The following POLA1 variants were observed in gnomAD, a reference collection of about 807,000 sequenced individuals.
POLA1 encodes the protein DNA polymerase alpha catalytic subunit.
Under a neutral mutation model 124.0 loss-of-function variants are expected in POLA1, and 15 were observed. The observed-to-expected ratio is 0.12, with a 90% CI of 0.08 to 0.19. POLA1 has a LOEUF of 0.19. Among genes scored for constraint, POLA1 ranks in the 10% least tolerant of loss-of-function variants. The probability of loss-of-function intolerance (pLI) is 1.00; values close to 1 mark genes in which losing one functional copy is unlikely to be tolerated. For missense variants in POLA1, 886 were observed against 1,103.4 expected, an observed-to-expected ratio of 0.80 and a Z score of 2.79; for synonymous variants, 408 against 389.4, an observed-to-expected ratio of 1.05 and a Z score of -0.56.
At chrX:24,834,244 A>G (rs1051731383) in intron 32 of POLA1, among the ~76,000 whole-genome samples, 3 of 111,943 alleles carry the variant, frequency 2.7e-5, no homozygotes, top group Non-Finnish European at 5.6e-5. Context: ...AGTCATGAGA[A>G]TGCTGCTCAT....
At chrX:24,943,328 T>C (rs1317504410) in intron 36 of POLA1, among the ~76,000 whole-genome samples, 1 of 112,296 alleles carries the variant, frequency 8.9e-6, no homozygotes, top group African/African-American at 3.2e-5. Context: ...AAAATTAAAG[T>C]CCTGTTAGCA....
chrX:24,780,880 G>A (rs745936855), intron 26 of POLA1, among the ~76,000 whole-genome samples: 4 of 111,209 alleles, frequency 3.6e-5, no homozygotes, highest in Non-Finnish European at 7.5e-5. Context: ...GTGTAGAACT[G>A]GTATTATTTC....
intron 36 of POLA1, among the ~76,000 whole-genome samples, chrX:24,983,739 A>G (rs886755970): frequency 3.6e-5 from 4 of 112,342 alleles, no homozygotes; most frequent in African/African-American, 1.3e-4. Context: ...GATGCAGTCA[A>G]TATCAGTAAC....
chrX:24,694,064 T>TG, intron 1 of POLA1, 60 bp downstream of exon 1: 1 of 1,043,763 alleles, frequency 9.6e-7, no homozygotes, highest in Non-Finnish European at 1.3e-6. Flanking sequence ...TTGCCGGTGG[T>TG]GGGGGTTCTG....
At chrX:24,778,689 A>G (rs2045193953) in intron 26 of POLA1, among the ~76,000 whole-genome samples, 2 of 112,176 alleles carry the variant, frequency 1.8e-5, no homozygotes, top group South Asian at 3.7e-4. Flanking sequence ...AGTATTTTAC[A>G]TACATTACTT....
chrX:24,698,230 C>T (rs1002672768), intron 1 of POLA1, among the ~76,000 whole-genome samples: 2 of 112,058 alleles, frequency 1.8e-5, no homozygotes, highest in Non-Finnish European at 3.8e-5. Context: ...GCGTGAGCCA[C>T]TGCATCCGCT....
At chrX:24,854,863 A>G (rs1395221309) in intron 34 of POLA1, among the ~76,000 whole-genome samples, 1 of 111,166 alleles carries the variant, frequency 9.0e-6, no homozygotes, top group Admixed American at 9.6e-5. Context: ...ATGTGCAAGA[A>G]TATACATTGA....
intron 35 of POLA1, among the ~76,000 whole-genome samples, chrX:24,904,747 G>A (rs1410766427): frequency 1.8e-5 from 2 of 111,375 alleles, no homozygotes; most frequent in Admixed American, 9.5e-5. Flanking sequence ...TTTATGAGTC[G>A]GGTGCAGTGA....
intron 26 of POLA1, among the ~76,000 whole-genome samples, chrX:24,753,457 A>G (rs1169642504): frequency 9.2e-6 from 1 of 108,995 alleles, no homozygotes; most frequent in Non-Finnish European, 1.9e-5. Context: ...GACTCAGACA[A>G]TCTTCTCCCC....
intron 20 of POLA1, 127 bp from the exon 21 acceptor site, chrX:24,741,248 A>C: frequency 2.2e-6 from 1 of 459,032 alleles, no homozygotes; most frequent in Non-Finnish European, 3.7e-6. Context: ...TTGTTTCTGA[A>C]GCCAAGGTGC....
intron 4 of POLA1, among the ~76,000 whole-genome samples, chrX:24,709,491 C>CCCA (rs1555972493): frequency 4.2e-5 from 3 of 71,126 alleles, no homozygotes; most frequent in Admixed American, 1.5e-4. Flanking sequence ...CGGGGGCTGA[C>CCCA]CCCCCCCACC....
At chrX:24,853,150 T>TA (rs953173856) in intron 34 of POLA1, among the ~76,000 whole-genome samples, 1 of 112,306 alleles carries the variant, frequency 8.9e-6, no homozygotes, top group African/African-American at 3.2e-5. Flanking sequence ...GAGACCTCTT[T>TA]AAAATTTTCC....
At chrX:24,694,397 T>C (rs990599265) in intron 1 of POLA1, among the ~76,000 whole-genome samples, 2 of 112,906 alleles carry the variant, frequency 1.8e-5, no homozygotes, top group Non-Finnish European at 3.7e-5. Context: ...GTGTCCCTTT[T>C]TGTAGGAACT....
chrX:24,901,838 C>G (rs1480118533), intron 35 of POLA1, among the ~76,000 whole-genome samples: 1 of 111,748 alleles, frequency 8.9e-6, no homozygotes, highest in African/African-American at 3.3e-5. Flanking sequence ...TAATTATTCA[C>G]CTAAAACTAA....
chrX:24,806,416 T>G (rs1370750645), intron 26 of POLA1, among the ~76,000 whole-genome samples: 1 of 110,280 alleles, frequency 9.1e-6, no homozygotes. Context: ...TTTCTGCTCA[T>G]TAGCACTTGG....
intron 34 of POLA1, among the ~76,000 whole-genome samples, chrX:24,881,670 G>A (rs1466253074): frequency 8.9e-6 from 1 of 111,756 alleles, no homozygotes; most frequent in Non-Finnish European, 1.9e-5. Context: ...AAACAAGATG[G>A]TAAAATAAGA....
chrX:24,758,732 T>C (rs1270411116), intron 26 of POLA1, among the ~76,000 whole-genome samples: 1 of 112,465 alleles, frequency 8.9e-6, no homozygotes, highest in Admixed American at 9.4e-5. Flanking sequence ...CTCGCTGGAG[T>C]GCAGCATCGT....
At chrX:24,744,501 A>G (rs373546110) in intron 23 of POLA1, 88 of 351,448 alleles carry the variant, frequency 2.5e-4, no homozygotes, top group African/African-American at 2.2e-3. Context: ...TAAATGTCCT[A>G]CAGAAATATA....
chrX:24,801,924 G>GT lies in POLA1; in HGVS notation c.2965-7974_2965-7973insT, dbSNP rs2045713434. Among the ~76,000 whole-genome samples, 346 of 74,537 alleles carry GT rather than the reference G, an allele frequency of 4.6e-3. 2 individuals carry two copies. The highest frequency in any genetic ancestry group is 0.012 in the African/African-American group (227 of 18,242). The allele number at this position is 74,537 out of a possible 115,157, so 64.7% of individuals were successfully genotyped here. A position where few individuals can be genotyped will look rare whatever the true frequency, so the allele number is the denominator to read the frequency against. ...ACAGAGCCACTAGGAGAGGTGGGTG[G>GT]GTGTGTGTGTGTGTGTGTGTGTGTG... On this transcript the variant is annotated intron_variant, in intron 26 of 36. Coordinates refer to ENST00000379068, the MANE Select transcript of POLA1 (RefSeq NM_001330360.2).
Sources: gnomAD v4.1 joint callset for allele counts (sites outside exome capture counted in the v4.1 genomes callset) on GRCh38, gnomAD v4.1.1 for gene constraint, MANE v1.5 for transcripts, NCBI Gene and HGNC (gene_info 2026-07-23, HGNC 2026-07-21) for gene names.